SEMA5B: variants seen among roughly 807,000 people sequenced by gnomAD.
SEMA5B encodes semaphorin-5B.
A neutral mutation model predicts 135.0 loss-of-function variants in SEMA5B; 66 were observed. The ratio of observed to expected loss-of-function variants is 0.49; its 90% CI spans 0.40 to 0.60. The LOEUF is 0.60. SEMA5B is among the 20% of genes least tolerant of loss of function. SEMA5B has a pLI of 0.00. For missense variants in SEMA5B, 1,501 were observed against 1,566.3 expected, an observed-to-expected ratio of 0.96 and a Z score of 0.70; for synonymous variants, 690 against 639.5, an observed-to-expected ratio of 1.08 and a Z score of -1.19.
chr3:122,969,991 T>C (rs1355959305), intron 1 of SEMA5B, among the ~76,000 whole-genome samples: 1 of 152,194 alleles, frequency 6.6e-6, no homozygotes, highest in Non-Finnish European at 1.5e-5. Context: ...CCTGTTCCTA[T>C]TTCCTGCAGA....
At chr3:122,921,811 T>A (rs1938357419) in intron 12 of SEMA5B, 104 bp downstream of exon 12, 2 of 881,512 alleles carry the variant, frequency 2.3e-6, no homozygotes, top group African/African-American at 3.5e-5. Flanking sequence ...GGCACACTAG[T>A]GGAGACTGCA....
intron 1 of SEMA5B, among the ~76,000 whole-genome samples, chr3:122,975,790 A>G (rs1941297603): frequency 6.6e-6 from 1 of 152,064 alleles, no homozygotes; most frequent in African/African-American, 2.4e-5. Flanking sequence ...AACACAGTCT[A>G]CAGCAATGAT....
intron 1 of SEMA5B, among the ~76,000 whole-genome samples, chr3:122,974,497 G>T (rs1433984118): frequency 6.6e-6 from 1 of 152,226 alleles, no homozygotes; most frequent in Non-Finnish European, 1.5e-5. Flanking sequence ...CACCTACAAG[G>T]CAGCTGACTG....
chr3:122,920,014 C>T (rs901776680), intron 12 of SEMA5B, among the ~76,000 whole-genome samples: 1 of 152,176 alleles, frequency 6.6e-6, no homozygotes, highest in African/African-American at 2.4e-5. Flanking sequence ...CACTGCAGGC[C>T]CCGTTCCTTC....
rs561959141 is a variant in SEMA5B at position 123,008,779 on chromosome 3, A to T, written c.-39+18685T>A. Among the ~76,000 whole-genome samples, 9 of 152,192 alleles carry T rather than the reference A, an allele frequency of 5.9e-5. No individual in the cohort carries two copies. In the East Asian group the frequency reaches 1.5e-3, roughly 26 times the overall value. ...ATTGGGCCCATTTGAAGACAGGGGG[A>T]GAGAGGCATGGCTATCCAAGCAGCA... On this transcript the variant is annotated intron_variant, in intron 1 of 22. Coordinates refer to ENST00000357599, the MANE Select transcript of SEMA5B (RefSeq NM_001031702.4).
chr3:122,972,610 C>A (rs1400532752), intron 1 of SEMA5B, among the ~76,000 whole-genome samples: 1 of 152,206 alleles, frequency 6.6e-6, no homozygotes, highest in Non-Finnish European at 1.5e-5. Context: ...TGTAACTGGG[C>A]CAGCACTGGG....
chr3:122,923,367 C>T (rs922979003), intron 10 of SEMA5B, among the ~76,000 whole-genome samples: 1 of 152,224 alleles, frequency 6.6e-6, no homozygotes, highest in African/African-American at 2.4e-5. Flanking sequence ...TCCCTGCCTC[C>T]CTGGAGGTGT....
At chr3:122,920,945 G>A (rs569782446) in intron 12 of SEMA5B, among the ~76,000 whole-genome samples, 1 of 152,330 alleles carries the variant, frequency 6.6e-6, no homozygotes, top group Non-Finnish European at 1.5e-5. Flanking sequence ...TCTCGCTGAT[G>A]GAGACTTGTG....
chr3:122,925,938 C>T (rs1938608960), intron 9 of SEMA5B, among the ~76,000 whole-genome samples: 1 of 152,104 alleles, frequency 6.6e-6, no homozygotes, highest in Non-Finnish European at 1.5e-5. Flanking sequence ...CCATTCCCAG[C>T]CTGGTTTTCC....
At chr3:122,948,416 C>T (rs1939886706) in intron 3 of SEMA5B, 90 bp downstream of exon 3, 1 of 1,155,200 alleles carries the variant, frequency 8.7e-7, no homozygotes, top group Non-Finnish European at 1.2e-6. Context: ...CAAGGACATC[C>T]AACAGCCAGA....
At chr3:122,938,945 T>G (rs185196018) in intron 5 of SEMA5B, among the ~76,000 whole-genome samples, 1 of 152,296 alleles carries the variant, frequency 6.6e-6, no homozygotes, top group Admixed American at 6.5e-5. Flanking sequence ...AAATGCTGAG[T>G]TAGAATGGGA....
At chr3:122,977,686 C>A (rs934170438) in intron 1 of SEMA5B, among the ~76,000 whole-genome samples, 2 of 152,172 alleles carry the variant, frequency 1.3e-5, no homozygotes, top group African/African-American at 4.8e-5. Flanking sequence ...GTGGCCCACC[C>A]AAATTAACAT....
At chr3:122,987,163 G>A (rs936802432) in intron 1 of SEMA5B, among the ~76,000 whole-genome samples, 5 of 152,116 alleles carry the variant, frequency 3.3e-5, no homozygotes, top group African/African-American at 9.7e-5. Flanking sequence ...AAGTGATGCC[G>A]GGAAGGCAGG....
In SEMA5B at chr3:122,939,503, G is replaced by A. The variant is rs557959838; in HGVS notation, c.429-33C>T. ...AATGGAAACAGACATCCTAAGTGAC[G>A]CTGGTTCTGCAGGCAGGACCCAGGG... On this transcript the variant is annotated intron_variant, in intron 4 of 22. Transcript: ENST00000357599. The A allele has an allele frequency of 5.0e-6, 8 of 1,590,164 alleles. No individual in the cohort carries two copies. The South Asian group carries it at 5.5e-5, about 11-fold the overall frequency.
intron 1 of SEMA5B, among the ~76,000 whole-genome samples, chr3:123,012,769 C>G (rs1354248840): frequency 1.3e-5 from 2 of 152,336 alleles, no homozygotes; most frequent in Non-Finnish European, 1.5e-5. Flanking sequence ...CCCTCCTCTT[C>G]CTCCTTCATC....
chr3:122,923,692 G>C lies in SEMA5B; in HGVS notation c.1197C>G (p.Phe399Leu). The C allele has an allele frequency of 6.2e-7, 1 of 1,614,126 alleles. No homozygotes were observed. The highest frequency in any genetic ancestry group is 2.2e-5 in the East Asian group (1 of 44,888). The change falls in exon 10 of 23, where the codon TTC becomes TTG. Residue 399 changes from phenylalanine to leucine, a missense_variant. Coordinates refer to ENST00000357599, the MANE Select transcript of SEMA5B (RefSeq NM_001031702.4). ...AFNLSAISQA[F>L]NGPFRYQENP... Reference sequence around the variant, plus strand: ...TCTCCTGGTAGCGAAATGGGCCATTGAAAGCCTGGGAGATAGCACTGAGGT... The same window carrying C: ...TCTCCTGGTAGCGAAATGGGCCATTCAAAGCCTGGGAGATAGCACTGAGGT...
chr3:123,018,068 G>T (rs1039113092), intron 1 of SEMA5B, among the ~76,000 whole-genome samples: 3 of 152,210 alleles, frequency 2.0e-5, no homozygotes, highest in Admixed American at 2.0e-4. Flanking sequence ...GCTTCGCTTT[G>T]AGAATTCCTG....
At chr3:122,970,642 A>G (rs1039788840) in intron 1 of SEMA5B, among the ~76,000 whole-genome samples, 1 of 152,238 alleles carries the variant, frequency 6.6e-6, no homozygotes, top group African/African-American at 2.4e-5. Context: ...AGACACATCT[A>G]TTAAATGGCA....
chr3:122,935,682 C>CTTT (rs1402707939), intron 5 of SEMA5B, among the ~76,000 whole-genome samples: 1 of 70,740 alleles, frequency 1.4e-5, no homozygotes, highest in Non-Finnish European at 2.7e-5. Flanking sequence ...CTTTTTCTTT[C>CTTT]TTTCTTTTTT....
Sources: allele counts gnomAD v4.1 joint callset (sites outside exome capture counted in the v4.1 genomes callset), GRCh38; gene constraint gnomAD v4.1.1; transcripts MANE v1.5; gene names NCBI Gene and HGNC (gene_info 2026-07-23, HGNC 2026-07-21).